SDCCAG8: variants seen among roughly 807,000 people sequenced by gnomAD.
The protein encoded by SDCCAG8 is SHH signaling and ciliogenesis regulator SDCCAG8.
A neutral mutation model predicts 101.8 loss-of-function variants in SDCCAG8; 74 were observed. That is an observed-to-expected ratio of 0.73 (90% CI 0.60 to 0.88). SDCCAG8 has a LOEUF of 0.88. Among genes scored for constraint, SDCCAG8 ranks in the 40% least tolerant of loss-of-function variants. SDCCAG8 has a pLI of 0.00. For missense variants in SDCCAG8, 787 were observed against 822.6 expected, an observed-to-expected ratio of 0.96 and a Z score of 0.53; for synonymous variants, 281 against 292.9, an observed-to-expected ratio of 0.96 and a Z score of 0.41.
intron 1 of SDCCAG8, among the ~76,000 whole-genome samples, chr1:243,258,473 C>A (rs1436860055): frequency 6.6e-6 from 1 of 152,176 alleles, no homozygotes; most frequent in South Asian, 2.1e-4. Flanking sequence ...GGTGCCATCT[C>A]GGCTCACTGC....
chr1:243,415,958 G>A (rs1298613091), intron 14 of SDCCAG8, 129 bp downstream of exon 14: 14 of 1,050,330 alleles, frequency 1.3e-5, no homozygotes, highest in Non-Finnish European at 1.9e-5. Context: ...AACTACACCG[G>A]AGATTCCGAA....
intron 9 of SDCCAG8, among the ~76,000 whole-genome samples, chr1:243,330,206 A>C (rs2074486843): frequency 6.6e-6 from 1 of 152,204 alleles, no homozygotes; most frequent in Non-Finnish European, 1.5e-5. Flanking sequence ...TATAAACATG[A>C]TATATAATTG....
intron 13 of SDCCAG8, among the ~76,000 whole-genome samples, chr1:243,381,620 C>T (rs1485979988): frequency 1.3e-5 from 2 of 151,902 alleles, no homozygotes; most frequent in Non-Finnish European, 2.9e-5. Flanking sequence ...AGAAATTTAG[C>T]ATTAATTAAA....
Position 243,296,918 on chromosome 1 carries a change from A to G in SDCCAG8, c.675+3699A>G, listed in dbSNP as rs569271719. ...CTAGTAGCAGCTTTGTATAACATGT[A>G]CATTGGTTGATTATACCCTCCTCCT... On this transcript the variant is annotated intron_variant, in intron 6 of 17. Coordinates refer to ENST00000366541, the MANE Select transcript of SDCCAG8 (RefSeq NM_006642.5). Among the ~76,000 whole-genome samples the G allele has an allele frequency of 1.6e-4, 25 of 152,156 alleles. No individual in the cohort carries two copies. The South Asian group carries it at 5.0e-3, about 30-fold the overall frequency.
At chr1:243,294,664 A>G (rs2070662592) in intron 6 of SDCCAG8, among the ~76,000 whole-genome samples, 1 of 137,586 alleles carries the variant, frequency 7.3e-6, no homozygotes, top group African/African-American at 2.7e-5. Flanking sequence ...CTGAGTGTGT[A>G]TCTTTCCTAG....
intron 9 of SDCCAG8, 147 bp downstream of exon 9, chr1:243,317,040 A>C: frequency 2.4e-6 from 2 of 842,614 alleles, no homozygotes; most frequent in Non-Finnish European, 3.7e-6. Context: ...GACTTTTCTG[A>C]ATTAAACAAA....
At position 243,304,747 on chromosome 1, in the gene SDCCAG8, A is replaced by G. The variant is rs766024310; in HGVS notation, c.710A>G (p.Glu237Gly). ...AAACTTACTTATGAGGAAAAGTGTG[A>G]AATTGAGGAATCCCAATTGAAGTTT... ...KLKLTYEEKC[E>G]IEESQLKFLR... Residue 237 changes from glutamate (E) to glycine (G), a missense_variant, in exon 7 of 18, where the codon GAA (glutamate) becomes GGA (glycine). Physicochemically the swap from Glu to Gly is moderately conservative, Grantham distance 98 (BLOSUM62 -2). Transcript: ENST00000366541. 1 of 1,595,802 alleles carries G rather than the reference A, an allele frequency of 6.3e-7. No homozygotes were observed. The highest frequency in any genetic ancestry group is 1.1e-5 in the South Asian group (1 of 90,632).
intron 6 of SDCCAG8, among the ~76,000 whole-genome samples, chr1:243,299,605 G>T (rs576466081): frequency 6.6e-6 from 1 of 151,992 alleles, no homozygotes; most frequent in Non-Finnish European, 1.5e-5. Context: ...GTAGAGACGG[G>T]GTTTCATCAT....
Position 243,270,171 on chromosome 1 carries a change from A to G in SDCCAG8, c.134A>G (p.Glu45Gly), listed in dbSNP as rs779107589. 6.2e-7 allele frequency: 1 copy of G among 1,614,232 alleles called. No homozygotes were observed. Among genetic ancestry groups the G allele is most frequent in the Admixed American group, 1.7e-5 (1 of 60,024 alleles). Residue 45 changes from glutamate (E) to glycine (G), a missense_variant, in exon 2 of 18, where the codon GAA becomes GGA. Transcript: ENST00000366541. ...AAAGAAGGCGATGTCACTATTGGAG[A>G]AGATGCACCAAATCTTTCTTTTAGC... ...ALKEGDVTIG[E>G]DAPNLSFSTS...
At chr1:243,453,846 G>A (rs913361580) in intron 16 of SDCCAG8, among the ~76,000 whole-genome samples, 1 of 152,108 alleles carries the variant, frequency 6.6e-6, no homozygotes, top group Non-Finnish European at 1.5e-5. Context: ...GATAATTTCA[G>A]CACATAAAAT....
At chr1:243,279,043 G>A (rs1459930843) in intron 4 of SDCCAG8, among the ~76,000 whole-genome samples, 1 of 152,058 alleles carries the variant, frequency 6.6e-6, no homozygotes, top group Non-Finnish European at 1.5e-5. Flanking sequence ...CTCCTGCCTG[G>A]GCTTCCCAAG....
rs76641715 is a variant in SDCCAG8, at chr1:243,487,536, T to C, written c.1986-1478T>C. Among the ~76,000 whole-genome samples the C allele has an allele frequency of 5.3e-5, 8 of 152,298 alleles. No individual in the cohort carries two copies. The East Asian group carries it at 1.5e-3, about 29-fold the overall frequency. ...CACTCCTACTTGGATGGAGGATCTT[T>C]GCTGTTCTGTTGAGGCCAGCCTGAT... On this transcript the variant is annotated intron_variant, in intron 16 of 17. Coordinates refer to ENST00000366541, the MANE Select transcript of SDCCAG8 (RefSeq NM_006642.5).
intron 12 of SDCCAG8, among the ~76,000 whole-genome samples, chr1:243,376,153 T>G (rs1012599144): frequency 2.0e-5 from 3 of 152,174 alleles, no homozygotes; most frequent in African/African-American, 7.2e-5. Context: ...GGTGGGTCAT[T>G]TTTTCTTGTC....
chr1:243,291,016 C>A lies in SDCCAG8; in HGVS notation c.547-2075C>A, dbSNP rs192590891. Among the ~76,000 whole-genome samples the A allele has an allele frequency of 1.4e-3, 214 of 152,252 alleles. 1 individual carries two copies. Among genetic ancestry groups the A allele is most frequent in the African/African-American group, 4.8e-3 (199 of 41,558 alleles). ...ACCATAGGTGTTACACAAATGTTTG[C>A]ACTAAACTGAACTTCCAGAAGAATA... is the stretch of plus-strand genomic sequence containing the variant. On this transcript the variant is annotated intron_variant, in intron 5 of 17. Coordinates refer to ENST00000366541, the MANE Select transcript of SDCCAG8 (RefSeq NM_006642.5).
chr1:243,293,307 C>T (rs951537520), intron 6 of SDCCAG8, 88 bp downstream of exon 6: 70 of 1,310,100 alleles, frequency 5.3e-5, no homozygotes, highest in Non-Finnish European at 7.5e-5. Flanking sequence ...ATATATATAA[C>T]AAAATTTACC....
chr1:243,328,398 C>A (rs2074362539), intron 9 of SDCCAG8, among the ~76,000 whole-genome samples: 1 of 152,142 alleles, frequency 6.6e-6, no homozygotes, highest in African/African-American at 2.4e-5. Context: ...CCTGCCTCAG[C>A]CTCCCTAGTA....
intron 4 of SDCCAG8, among the ~76,000 whole-genome samples, chr1:243,283,157 G>C (rs1480016761): frequency 6.6e-6 from 1 of 151,446 alleles, no homozygotes; most frequent in African/African-American, 2.4e-5. Context: ...CTGATTTTTG[G>C]GTTTTCTTTG....
Position 243,474,715 on chromosome 1 carries a change from G to A in SDCCAG8, c.1986-14299G>A, listed in dbSNP as rs1300933805. On this transcript the variant is annotated intron_variant, in intron 16 of 17. Transcript: ENST00000366541. The surrounding 1 kb of genome is among the most constrained non-coding windows in gnomAD (Gnocchi z 4.7). ...ATTGCCCAGCGTGGGGTGGAAGGCA[G>A]GCTGGGAGCTCCCGGGACGCGGCGT... Among the ~76,000 whole-genome samples, 3 of 152,234 alleles carry A rather than the reference G, an allele frequency of 2.0e-5. No homozygotes were observed. Among genetic ancestry groups the A allele is most frequent in the Non-Finnish European group, 4.4e-5 (3 of 68,030 alleles).
intron 16 of SDCCAG8, among the ~76,000 whole-genome samples, chr1:243,437,959 G>A (rs1033960056): frequency 1.3e-5 from 2 of 152,194 alleles, no homozygotes; most frequent in Non-Finnish European, 2.9e-5. Context: ...ATTTCCCAGA[G>A]GAAGACAGCT....
Sources: allele counts gnomAD v4.1 joint callset (sites outside exome capture counted in the v4.1 genomes callset), GRCh38; gene constraint gnomAD v4.1.1; non-coding constraint Gnocchi (gnomAD v3.1); transcripts MANE v1.5; gene names NCBI Gene and HGNC (gene_info 2026-07-23, HGNC 2026-07-21).